GOLGA5: variants seen among roughly 807,000 people sequenced by gnomAD.
GOLGA5 encodes the protein golgin A5, also known as golgin subfamily A member 5.
In GOLGA5, 50 loss-of-function variants were observed where a neutral mutation model predicts 93.5. The observed-to-expected ratio is 0.53, with a 90% CI of 0.43 to 0.68. The LOEUF (loss-of-function observed/expected upper bound fraction) is 0.68, where lower values mean the gene tolerates loss of function less well. Among genes scored for constraint, GOLGA5 ranks in the 30% least tolerant of loss-of-function variants. The pLI, the probability that GOLGA5 is intolerant of heterozygous loss-of-function variation, is 0.00. For missense variants in GOLGA5, 760 were observed against 856.4 expected (o/e 0.89, Z 1.40); for synonymous variants, 312 against 304.5 (o/e 1.02, Z -0.26).
At chr14:92,824,834 A>G (rs546397560) in intron 9 of GOLGA5, among the ~76,000 whole-genome samples, 190 bp downstream of exon 9, 2 of 152,330 alleles carry the variant, frequency 1.3e-5, no homozygotes, top group African/African-American at 2.4e-5. Context: ...GCTCTGTTCT[A>G]TGATTTGCTT....
chr14:92,796,103 A>G (rs1442634391), intron 1 of GOLGA5, among the ~76,000 whole-genome samples: 6 of 152,262 alleles, frequency 3.9e-5, no homozygotes, highest in African/African-American at 1.4e-4. Flanking sequence ...ATTATTGAAC[A>G]TGTACTTTAG....
At position 92,811,700 on chromosome 14, in the gene GOLGA5, G is replaced by A. The variant is rs1055518577; in HGVS notation, c.1266G>A (p.Glu422=). The change falls in exon 6 of 13, where the codon GAG becomes GAA. Residue 422 remains glutamate (E), a synonymous_variant. Coordinates refer to ENST00000163416, the MANE Select transcript of GOLGA5 (RefSeq NM_005113.4). The part of the protein sequence containing the change: ...QQVKLYKLNL[E]SSKQELIDYK... ...TCAAGCTGTATAAGTTGAACTTGGA[G>A]TCCTCTAAGCAGGAATTAATTGACT... is the stretch of plus-strand genomic sequence containing the variant. 1.2e-6 allele frequency: 2 copies of A among 1,612,934 alleles called. No individual in the cohort carries two copies. The highest frequency in any genetic ancestry group is 2.7e-5 in the African/African-American group (2 of 74,844).
intron 11 of GOLGA5, among the ~76,000 whole-genome samples, 184 bp downstream of exon 11, chr14:92,835,848 CTTCT>C (rs970610666): frequency 4.6e-5 from 7 of 152,148 alleles, no homozygotes; most frequent in Non-Finnish European, 7.3e-5. Context: ...CATGAAGTGA[CTTCT>C]TTCATGATAT....
At position 92,821,929 on chromosome 14, in the gene GOLGA5, G is replaced by A. The variant is rs571997604; in HGVS notation, c.1620+2093G>A. 2.0e-5 allele frequency among the ~76,000 whole-genome samples: 3 copies of A among 152,254 alleles called. No homozygotes were observed. In the South Asian group the frequency reaches 6.2e-4, roughly 32 times the overall value. ...TGCTTAATGAGATAATTTTCATTTT[G>A]TTATGGCAGATGGTTTTACCGTACC... On this transcript the variant is annotated intron_variant, in intron 8 of 12. Coordinates refer to ENST00000163416, the MANE Select transcript of GOLGA5 (RefSeq NM_005113.4).
chr14:92,834,355 C>A (rs1223985682), intron 10 of GOLGA5, among the ~76,000 whole-genome samples: 1 of 152,032 alleles, frequency 6.6e-6, no homozygotes, highest in African/African-American at 2.4e-5. Flanking sequence ...CTCCTCCCCC[C>A]TCCCCCAGCC....
intron 6 of GOLGA5, among the ~76,000 whole-genome samples, chr14:92,814,819 ACT>A (rs897438785): frequency 3.3e-5 from 5 of 151,872 alleles, no homozygotes; most frequent in African/African-American, 1.2e-4. Flanking sequence ...TCTTCTTCAA[ACT>A]CATCTTTTAT....
At chr14:92,837,509 T>TC (rs778209815) in intron 12 of GOLGA5, 60 bp downstream of exon 12, 2 of 786,862 alleles carry the variant, frequency 2.5e-6, no homozygotes, top group African/African-American at 1.7e-5. Flanking sequence ...TTTTTTTTTT[T>TC]GTTTGTTTGT....
chr14:92,837,982 T>TA (rs1885681295), intron 12 of GOLGA5, among the ~76,000 whole-genome samples: 1 of 152,230 alleles, frequency 6.6e-6, no homozygotes, highest in East Asian at 1.9e-4. Flanking sequence ...TTCCTACAAA[T>TA]AAAATTAAAC....
At chr14:92,831,041 T>C (rs554867652) in intron 9 of GOLGA5, among the ~76,000 whole-genome samples, 20 of 152,312 alleles carry the variant, frequency 1.3e-4, no homozygotes, top group African/African-American at 4.6e-4. Context: ...AGCATGTGAA[T>C]AGGTGCTCAG....
intron 11 of GOLGA5, among the ~76,000 whole-genome samples, chr14:92,836,897 T>C (rs1885652841): frequency 6.6e-6 from 1 of 152,048 alleles, no homozygotes; most frequent in Non-Finnish European, 1.5e-5. Flanking sequence ...AAACCCCGTC[T>C]CTACTAAAAA....
intron 11 of GOLGA5, 54 bp downstream of exon 11, chr14:92,835,718 T>A: frequency 2.8e-6 from 3 of 1,072,908 alleles, no homozygotes; most frequent in Non-Finnish European, 4.3e-6. Context: ...TTTACGTTTT[T>A]CAGGGTTTCA....
chr14:92,837,125 A>G (rs1057033057), intron 11 of GOLGA5, among the ~76,000 whole-genome samples: 2 of 152,162 alleles, frequency 1.3e-5, no homozygotes, highest in African/African-American at 4.8e-5. Flanking sequence ...TGGCTGTAGA[A>G]TTAAGAGAAA....
At chr14:92,820,866 C>G (rs1397422684) in intron 8 of GOLGA5, among the ~76,000 whole-genome samples, 1 of 152,228 alleles carries the variant, frequency 6.6e-6, no homozygotes, top group Non-Finnish European at 1.5e-5. Flanking sequence ...TACAGATTAA[C>G]AGCATCTCAG....
At position 92,806,913 on chromosome 14, in the gene GOLGA5, T is replaced by C. The variant is rs1424070658; in HGVS notation, c.722T>C (p.Leu241Ser). ...CTGCTGAGGAATGAAGTTCAGTCTT[T>C]AAATCAAGAAATGGCCTCGTTACTC... ...NQLLRNEVQS[L>S]NQEMASLLQR... The change falls in exon 3 of 13, where the codon TTA becomes TCA. Residue 241 changes from leucine (L) to serine (S), a missense_variant. By Grantham distance (145) the Leu-to-Ser change is moderately radical. Coordinates refer to ENST00000163416, the MANE Select transcript of GOLGA5 (RefSeq NM_005113.4). The C allele has an allele frequency of 1.9e-6, 3 of 1,613,522 alleles. No homozygotes were observed. In the South Asian group the frequency reaches 3.3e-5, roughly 18 times the overall value.
At chr14:92,809,563 T>A (rs1885063032) in intron 4 of GOLGA5, 44 bp downstream of exon 4, 2 of 1,202,584 alleles carry the variant, frequency 1.7e-6, no homozygotes, top group African/African-American at 1.5e-5. Flanking sequence ...CAAGTAATGG[T>A]AAACATTGTA....
chr14:92,839,227 G>A, intron 12 of GOLGA5, 139 bp from the exon 13 acceptor site: 1 of 614,692 alleles, frequency 1.6e-6, no homozygotes, highest in Middle Eastern at 2.5e-4. Context: ...AGCTCATTTA[G>A]TTGTTTCATT....
chr14:92,808,005 C>G (rs1042717983), intron 3 of GOLGA5, among the ~76,000 whole-genome samples: 1 of 151,652 alleles, frequency 6.6e-6, no homozygotes, highest in African/African-American at 2.4e-5. Context: ...GAGGCCGAGG[C>G]GGGCGGATCA....
intron 6 of GOLGA5, among the ~76,000 whole-genome samples, chr14:92,812,614 T>C (rs1278092070): frequency 6.6e-6 from 1 of 152,204 alleles, no homozygotes; most frequent in Admixed American, 6.5e-5. Flanking sequence ...TTCTCAAAAA[T>C]ATTTGATGAC....
chr14:92,837,714 C>G (rs1344123650), intron 12 of GOLGA5, among the ~76,000 whole-genome samples: 1 of 152,088 alleles, frequency 6.6e-6, no homozygotes, highest in South Asian at 2.1e-4. Flanking sequence ...CAGGCGTGCA[C>G]CACCATGCCC....
Sources: gnomAD v4.1 joint callset for allele counts (sites outside exome capture counted in the v4.1 genomes callset) on GRCh38, gnomAD v4.1.1 for gene constraint, MANE v1.5 for transcripts, NCBI Gene and HGNC (gene_info 2026-07-23, HGNC 2026-07-21) for gene names.